Variants in GRIA3 observed in about 807,000 individuals in gnomAD.
The protein encoded by GRIA3 is glutamate receptor 3.
In GRIA3, 3 loss-of-function variants were observed where a neutral mutation model predicts 63.0. That is an observed-to-expected ratio of 0.05 (90% CI 0.02 to 0.12). The LOEUF is 0.12. GRIA3 is among the 10% of genes least tolerant of loss of function. The probability of loss-of-function intolerance (pLI) is 1.00; values close to 1 mark genes in which losing one functional copy is unlikely to be tolerated. For synonymous variants in GRIA3, 274 were observed against 257.9 expected (o/e 1.06, Z -0.60); for missense variants, 347 against 700.9 (o/e 0.50, Z 5.70).
At chrX:123,208,848 G>GCT (rs1166583730) in intron 2 of GRIA3, among the ~76,000 whole-genome samples, 6 of 112,104 alleles carry the variant, frequency 5.4e-5, no homozygotes, top group Non-Finnish European at 1.1e-4. Flanking sequence ...TTTCCAAATA[G>GCT]CTCTCACTCC....
chrX:123,316,681 C>T (rs2044833683), intron 3 of GRIA3, among the ~76,000 whole-genome samples: 1 of 112,126 alleles, frequency 8.9e-6, no homozygotes, highest in African/African-American at 3.2e-5. Flanking sequence ...GGTTGGAATA[C>T]TATGTCATCA....
In GRIA3 at chrX:123,400,907, C is replaced by T. The variant is rs987432109; in HGVS notation, c.1081-2087C>T. ...AGCCCAGCACAGTCTACTGACATAT[C>T]TGTCACAGATTCTAAGTCTTTGAGA... On this transcript the variant is annotated intron_variant, in intron 7 of 15. Transcript: ENST00000620443. 6.2e-5 allele frequency among the ~76,000 whole-genome samples: 7 copies of T among 112,315 alleles called. No homozygotes were observed. The Admixed American group carries it at 6.6e-4, about 11-fold the overall frequency.
intron 12 of GRIA3, among the ~76,000 whole-genome samples, chrX:123,433,203 T>G (rs1294827773): frequency 8.9e-6 from 1 of 111,905 alleles, no homozygotes; most frequent in Admixed American, 9.5e-5. Context: ...GACAGGGAAA[T>G]AGTACTGTTT....
chrX:123,382,434 G>A (rs748354599), intron 5 of GRIA3, among the ~76,000 whole-genome samples: 1 of 111,950 alleles, frequency 8.9e-6, no homozygotes, highest in Admixed American at 9.5e-5. Context: ...CTCATTCCCG[G>A]GATGTCTGTC....
Position 123,259,875 on chromosome X carries a change from T to C in GRIA3, c.508+6333T>C, listed in dbSNP as rs188589434. Among the ~76,000 whole-genome samples the C allele has an allele frequency of 5.3e-3, 597 of 111,886 alleles. 1 individual carries two copies. The highest frequency in any genetic ancestry group is 7.8e-3 in the Non-Finnish European group (414 of 53,132). On this transcript the variant is annotated intron_variant, in intron 3 of 15. Coordinates refer to ENST00000620443, the MANE Select transcript of GRIA3 (RefSeq NM_007325.5). ...ACACAACTATTACCTCTTCCTTTAG[T>C]CTTCCCTTCAGCCATTCTTCAAAGA...
intron 3 of GRIA3, among the ~76,000 whole-genome samples, chrX:123,285,577 C>CAAAAAAAAA (rs59101106): frequency 6.4e-3 from 65 of 10,166 alleles, no homozygotes; most frequent in South Asian, 0.022. Flanking sequence ...AAATGAAAAG[C>CAAAAAAAAA]AAAAAAAAAA....
chrX:123,193,895 T>C (rs772717352), intron 2 of GRIA3, among the ~76,000 whole-genome samples: 2 of 111,206 alleles, frequency 1.8e-5, no homozygotes, highest in Admixed American at 9.6e-5. Context: ...CAGAACAAGA[T>C]ACCTGCCCAA....
intron 12 of GRIA3, among the ~76,000 whole-genome samples, chrX:123,454,972 A>C (rs1012573290): frequency 6.3e-5 from 7 of 111,970 alleles, no homozygotes; most frequent in African/African-American, 2.3e-4. Context: ...ACCTTTGGAA[A>C]GGAGACATCA....
intron 3 of GRIA3, among the ~76,000 whole-genome samples, chrX:123,277,371 C>T (rs1360950217): frequency 9.0e-6 from 1 of 111,518 alleles, no homozygotes; most frequent in Non-Finnish European, 1.9e-5. Context: ...GCCCTGCAGT[C>T]TGGTTCCTAC....
intron 3 of GRIA3, among the ~76,000 whole-genome samples, chrX:123,285,646 C>T (rs1361138960): frequency 2.1e-5 from 2 of 96,280 alleles, no homozygotes; most frequent in African/African-American, 7.7e-5. Context: ...AACTTTAAAC[C>T]AACAAAGACC....
chrX:123,307,828 G>A (rs1321828150), intron 3 of GRIA3, among the ~76,000 whole-genome samples: 1 of 111,327 alleles, frequency 9.0e-6, no homozygotes, highest in East Asian at 2.8e-4. Context: ...TGGCTGATAG[G>A]AAAGGCAACG....
At chrX:123,440,531 A>G (rs1265237809) in intron 12 of GRIA3, among the ~76,000 whole-genome samples, 1 of 112,278 alleles carries the variant, frequency 8.9e-6, no homozygotes. Flanking sequence ...TTTGATTTGC[A>G]TTTCTCTAAT....
intron 3 of GRIA3, among the ~76,000 whole-genome samples, chrX:123,303,481 T>C (rs779373369): frequency 1.3e-4 from 14 of 111,460 alleles, no homozygotes; most frequent in African/African-American, 4.6e-4. Flanking sequence ...AGCTTCACTA[T>C]GTAAACATTT....
intron 13 of GRIA3, among the ~76,000 whole-genome samples, chrX:123,476,942 T>G (rs962720130): frequency 1.8e-5 from 2 of 111,827 alleles, no homozygotes; most frequent in African/African-American, 6.5e-5. Flanking sequence ...TGAAAACTAT[T>G]GCTCTAAAGT....
chrX:123,184,570 T>C lies in GRIA3; in HGVS notation c.35T>C (p.Leu12Pro), dbSNP rs779764392. The C allele has an allele frequency of 4.1e-6, 5 of 1,210,252 alleles. No individual in the cohort carries two copies. In the Admixed American group the frequency reaches 8.7e-5, roughly 21 times the overall value. ...CAGAAGAAAATGGGGCAAAGCGTGC[T>C]CCGGGCGGTCTTCTTTTTAGTCCTG... Reference protein sequence around the residue: ...ARQKKMGQSVLRAVFFLVLGL... With the variant: ...ARQKKMGQSVPRAVFFLVLGL... Residue 12 changes from leucine (L) to proline (P), a missense_variant, in exon 1 of 16, where the codon CTC becomes CCC. Around this residue, in one of 8 missense-constraint regions of GRIA3, gnomAD observed 36 missense variants for 28.2 expected, o/e 1.28. Coordinates refer to ENST00000620443, the MANE Select transcript of GRIA3 (RefSeq NM_007325.5).
intron 3 of GRIA3, among the ~76,000 whole-genome samples, chrX:123,281,460 T>C (rs1157512525): frequency 1.8e-5 from 2 of 112,252 alleles, no homozygotes. Flanking sequence ...CTTAGATTGC[T>C]TGTATGTCTT....
At chrX:123,301,181 G>A (rs985579704) in intron 3 of GRIA3, among the ~76,000 whole-genome samples, 7 of 110,915 alleles carry the variant, frequency 6.3e-5, no homozygotes, top group Non-Finnish European at 1.1e-4. Context: ...ATATCTATCA[G>A]GTCCGTTTGG....
intron 3 of GRIA3, among the ~76,000 whole-genome samples, chrX:123,287,017 A>C (rs1456732627): frequency 2.7e-5 from 3 of 112,076 alleles, no homozygotes; most frequent in African/African-American, 9.7e-5. Flanking sequence ...AATCCTCAAT[A>C]AAATACTGGC....
At chrX:123,303,522 G>A (rs2044736340) in intron 3 of GRIA3, among the ~76,000 whole-genome samples, 1 of 111,118 alleles carries the variant, frequency 9.0e-6, no homozygotes, top group Non-Finnish European at 1.9e-5. Flanking sequence ...AAGGCACTAT[G>A]GTTAAAAAGT....
Sources: allele counts gnomAD v4.1 joint callset (sites outside exome capture counted in the v4.1 genomes callset), GRCh38; gene constraint gnomAD v4.1.1; regional missense constraint gnomAD v4.1.1; transcripts MANE v1.5; gene names NCBI Gene and HGNC (gene_info 2026-07-23, HGNC 2026-07-21).